Variants in OSBP2 observed in about 807,000 individuals in gnomAD.
The protein encoded by OSBP2 is oxysterol-binding protein 2.
OSBP2 carries 66 observed loss-of-function variants against 96.0 expected under a neutral mutation model. That is an observed-to-expected ratio of 0.69 (90% CI 0.56 to 0.84). The LOEUF is 0.84. OSBP2 is among the 40% of genes least tolerant of loss of function. The pLI is 0.00. For synonymous variants in OSBP2, 525 were observed against 520.9 expected, an observed-to-expected ratio of 1.01 and a Z score of -0.11; for missense variants, 1,038 against 1,222.7, an observed-to-expected ratio of 0.85 and a Z score of 2.25.
intron 1 of OSBP2, among the ~76,000 whole-genome samples, chr22:30,725,182 AAAAAAAC>A: frequency 1.1e-5 from 1 of 89,208 alleles, no homozygotes; most frequent in African/African-American, 4.1e-5. Flanking sequence ...TCTCAAAAAC[AAAAAAAC>A]AAAAAAACAA....
intron 2 of OSBP2, among the ~76,000 whole-genome samples, chr22:30,812,071 T>A (rs2091015876): frequency 1.3e-5 from 2 of 150,844 alleles, no homozygotes; most frequent in Admixed American, 1.3e-4. Context: ...CCCAGGCTGG[T>A]CTTGAACTCC....
rs1458469570 is a variant in OSBP2 at position 30,871,832 on chromosome 22, G to A, written c.1107+1150G>A. ...GGGCATCCAAGACCTGCCCCAAGCC[G>A]GCTTCACTGGCCTGTTGGCAGCATG... On this transcript the variant is annotated intron_variant, in intron 3 of 13. Transcript: ENST00000332585. The surrounding 1 kb of genome is among the most constrained non-coding windows in gnomAD (Gnocchi z 4.7). Among the ~76,000 whole-genome samples, 1 of 152,238 alleles carries A rather than the reference G, an allele frequency of 6.6e-6. No individual in the cohort carries two copies.
chr22:30,707,712 G>C (rs889735464), intron 1 of OSBP2, among the ~76,000 whole-genome samples: 8 of 146,594 alleles, frequency 5.5e-5, no homozygotes, highest in African/African-American at 2.0e-4. Context: ...GCGAGACTCT[G>C]TCTCAAAAAA....
rs775719849 is a variant in OSBP2 at position 30,870,357 on chromosome 22, G to C, written c.854-72G>C. On this transcript the variant is annotated intron_variant, in intron 2 of 13. Transcript: ENST00000332585. This position sits in a 1 kb window ranked among gnomAD's most constrained non-coding sequence, Gnocchi z 4.1. ...TGGCGCTATCCACCCTGCCCTGCTC[G>C]GCCTGGCTGTGCAGGCCTCTTGGTA... 2 of 1,516,756 alleles carry C rather than the reference G, an allele frequency of 1.3e-6. No individual in the cohort carries two copies. Among genetic ancestry groups the C allele is most frequent in the Admixed American group, 3.4e-5 (2 of 58,252 alleles). The allele number at this position is 1,516,756 out of a possible 1,614,324, so 94.0% of individuals were successfully genotyped here.
rs549778176 is a variant in OSBP2, at chr22:30,889,715, T to C, written c.1623+79T>C. ...TGCGTGGATGAGCAGTAATGGCCTG[T>C]GTGAAGTACACACAGCCTTGGAGTG... is the stretch of plus-strand genomic sequence containing the variant. On this transcript the variant is annotated intron_variant, in intron 7 of 13. Transcript: ENST00000332585. The C allele has an allele frequency of 1.4e-3, 1,856 of 1,341,754 alleles. 4 individuals are homozygous for C. Among genetic ancestry groups the C allele is most frequent in the Non-Finnish European group, 1.8e-3 (1,728 of 940,738 alleles). The allele number at this position is 1,341,754 out of a possible 1,614,324, so 83.1% of individuals were successfully genotyped here. A position where few individuals can be genotyped will look rare whatever the true frequency, so the allele number is the denominator to read the frequency against.
intron 1 of OSBP2, among the ~76,000 whole-genome samples, chr22:30,704,577 T>A (rs2089218499): frequency 6.6e-6 from 1 of 150,804 alleles, no homozygotes; most frequent in African/African-American, 2.4e-5. Context: ...AGTGAAGTGG[T>A]GCAGTCTCAG....
intron 12 of OSBP2, among the ~76,000 whole-genome samples, chr22:30,894,767 T>C (rs993661440): frequency 6.6e-6 from 1 of 152,220 alleles, no homozygotes; most frequent in Non-Finnish European, 1.5e-5. Context: ...AGACATCACT[T>C]TCCGAGGAGC....
intron 12 of OSBP2, among the ~76,000 whole-genome samples, chr22:30,896,675 TCTC>T (rs2040075595): frequency 6.7e-6 from 1 of 148,324 alleles, no homozygotes; most frequent in Non-Finnish European, 1.5e-5. Flanking sequence ...AGAGACAGAG[TCTC>T]GCTCTGTTAC....
intron 2 of OSBP2, among the ~76,000 whole-genome samples, chr22:30,743,683 A>G (rs1401611185): frequency 6.6e-6 from 1 of 152,170 alleles, no homozygotes; most frequent in Non-Finnish European, 1.5e-5. Flanking sequence ...TTTTCTAAGT[A>G]TAAATAAATA....
intron 1 of OSBP2, among the ~76,000 whole-genome samples, chr22:30,740,289 CAGACG>C (rs1229314546): frequency 6.6e-6 from 1 of 152,186 alleles, no homozygotes; most frequent in Non-Finnish European, 1.5e-5. Context: ...GCCACAAGAT[CAGACG>C]AGCCAGTTTA....
At chr22:30,741,498 T>C in intron 2 of OSBP2, 129 bp downstream of exon 2, 1 of 688,590 alleles carries the variant, frequency 1.5e-6, no homozygotes, top group Non-Finnish European at 2.5e-6. Flanking sequence ...ATCTGGAAGG[T>C]CAAGGTGCGT....
intron 2 of OSBP2, among the ~76,000 whole-genome samples, chr22:30,795,009 A>C (rs1429923112): frequency 6.6e-6 from 1 of 150,812 alleles, no homozygotes; most frequent in South Asian, 2.1e-4. Context: ...CTCCCAGTTC[A>C]AGTGATTCCC....
intron 2 of OSBP2, among the ~76,000 whole-genome samples, chr22:30,745,644 G>A (rs917067721): frequency 7.0e-6 from 1 of 143,436 alleles, no homozygotes; most frequent in East Asian, 2.0e-4. Context: ...TCCAGCCTGG[G>A]CAACAGAGTG....
intron 12 of OSBP2, among the ~76,000 whole-genome samples, chr22:30,895,488 G>A (rs2147172104): frequency 6.6e-6 from 1 of 152,250 alleles, no homozygotes; most frequent in South Asian, 2.1e-4. Flanking sequence ...TAAAGAATTA[G>A]ACATCAGATT....
chr22:30,898,803 T>A (rs956466900), intron 12 of OSBP2, among the ~76,000 whole-genome samples: 7 of 151,710 alleles, frequency 4.6e-5, no homozygotes, highest in Non-Finnish European at 8.8e-5. Flanking sequence ...GCGGGAGGAT[T>A]GCTTGAGTTG....
chr22:30,901,379 AC>A (rs370406321), intron 12 of OSBP2, among the ~76,000 whole-genome samples: 197 of 152,282 alleles, frequency 1.3e-3, no homozygotes, highest in African/African-American at 4.4e-3. Context: ...CACATAAAGA[AC>A]TTCTAATCAA....
At chr22:30,854,279 CTTTGTTTTCTT>C (rs1318252721) in intron 2 of OSBP2, among the ~76,000 whole-genome samples, 1 of 148,250 alleles carries the variant, frequency 6.7e-6, no homozygotes, top group Non-Finnish European at 1.5e-5. Context: ...TTTGTTTTCT[CTTTGTTTTCTT>C]GCTTTATACA....
In OSBP2 at chr22:30,695,160, C is replaced by G; in HGVS notation, c.251C>G (p.Ser84Cys). 6.2e-7 allele frequency: 1 copy of G among 1,610,502 alleles called. No homozygotes were observed. Among genetic ancestry groups the G allele is most frequent in the Non-Finnish European group, 8.5e-7 (1 of 1,177,984 alleles). ...SEAVPRSEPVSETTSEPEPGA... is the reference protein window; with the variant it reads ...SEAVPRSEPVCETTSEPEPGA... ...GCAGTGCCAAGATCGGAACCTGTGT[C>G]CGAGACGACGTCTGAGCCGGAGCCA... Residue 84 changes from serine to cysteine, a missense_variant, in exon 1 of 14, where the codon TCC becomes TGC. Physicochemically the swap from Ser to Cys is moderately radical, Grantham distance 112. Transcript: ENST00000332585.
intron 2 of OSBP2, among the ~76,000 whole-genome samples, chr22:30,866,675 T>G (rs2039345839): frequency 6.6e-6 from 1 of 152,036 alleles, no homozygotes; most frequent in Admixed American, 6.6e-5. Flanking sequence ...AGGTGGAGGT[T>G]GCAGTGAACC....
Sources: allele counts gnomAD v4.1 joint callset (sites outside exome capture counted in the v4.1 genomes callset), GRCh38; gene constraint gnomAD v4.1.1; non-coding constraint Gnocchi (gnomAD v3.1); transcripts MANE v1.5; gene names NCBI Gene and HGNC (gene_info 2026-07-23, HGNC 2026-07-21).